C1GALT1: variants seen among roughly 807,000 people sequenced by gnomAD.
C1GALT1 encodes glycoprotein-N-acetylgalactosamine 3-beta-galactosyltransferase 1.
A neutral mutation model predicts 31.0 loss-of-function variants in C1GALT1; 11 were observed. The ratio of observed to expected loss-of-function variants is 0.36; its 90% CI spans 0.22 to 0.59. C1GALT1 has a LOEUF of 0.59. Among genes scored for constraint, C1GALT1 ranks in the 20% least tolerant of loss-of-function variants. C1GALT1 has a pLI of 0.79. For missense variants in C1GALT1, 424 were observed against 425.2 expected (o/e 1.00, Z 0.03); for synonymous variants, 175 against 143.6 (o/e 1.22, Z -1.56).
chr7:7,164,292 C>T (rs1320141789), intron 2 of C1GALT1, among the ~76,000 whole-genome samples: 1 of 152,180 alleles, frequency 6.6e-6, no homozygotes, highest in East Asian at 1.9e-4. Context: ...GGATCCCTTC[C>T]TTACACCTTT....
chr7:7,248,327 T>C lies in C1GALT1; in HGVS notation c.*4600T>C, dbSNP rs1296231796. On this transcript the variant is annotated 3_prime_UTR_variant, in exon 4 of 4. Transcript: ENST00000436587. ...AGTTTATATTAAGTTTTAATAACTT[T>C]GCGGGGCCCTGCAAATTAATAATCT... 1 of 151,986 alleles carries C rather than the reference T, an allele frequency of 6.6e-6. No homozygotes were observed. Among genetic ancestry groups the C allele is most frequent in the Non-Finnish European group, 1.5e-5 (1 of 67,864 alleles). The allele number at this position is 151,986 out of a possible 1,614,324, so 9.4% of individuals were successfully genotyped here.
At position 7,182,786 on chromosome 7, in the gene C1GALT1, CAGGAGGGGCGAGA is replaced by C; in HGVS notation, c.-51_-39del. On this transcript the variant is annotated 5_prime_UTR_variant, in exon 1 of 4. Coordinates refer to ENST00000436587, the MANE Select transcript of C1GALT1 (RefSeq NM_020156.5). ...CCAAGTCGTCCCCCTCTCCGCCCCC[CAGGAGGGGCGAGA>C]GGGAGCCGCAGCTGATGTCAGGTAT... 1 of 985,542 alleles carries C rather than the reference CAGGAGGGGCGAGA, an allele frequency of 1.0e-6. No individual in the cohort carries two copies. Among genetic ancestry groups the C allele is most frequent in the Non-Finnish European group, 1.2e-6 (1 of 830,038 alleles). 61.0% of individuals were successfully genotyped at this position (985,542 alleles called of 1,614,324 possible).
intron 1 of C1GALT1, among the ~76,000 whole-genome samples, chr7:7,216,600 A>G (rs1782256112): frequency 6.8e-6 from 1 of 146,852 alleles, no homozygotes. Flanking sequence ...CCCATGCTAT[A>G]AAGCACTTAC....
chr7:7,180,011 T>C (rs1780552692), upstream of C1GALT1, among the ~76,000 whole-genome samples: 1 of 152,200 alleles, frequency 6.6e-6, no homozygotes, highest in Non-Finnish European at 1.5e-5. Context: ...TCTAGGGGCA[T>C]GAATATTTTT....
In C1GALT1 at chr7:7,238,788, G is replaced by A. The variant is rs779205058; in HGVS notation, c.754G>A (p.Val252Ile). Residue 252 changes from valine to isoleucine, a missense_variant, in exon 3 of 4, where the codon GTA (valine) becomes ATA (isoleucine). Val to Ile is a conservative substitution (Grantham distance 29, BLOSUM62 3). This residue lies in a region of C1GALT1 where 191 missense variants were observed against 188.8 expected (regional missense o/e 1.01). Transcript: ENST00000436587. The surrounding 1 kb of genome is among the most constrained non-coding windows in gnomAD (Gnocchi z 5.2). ...GGGGAGATGCATGGAAATTATGAAT[G>A]TAGAAGCAGGAGATTCCAGAGATAC... ...ALGRCMEIMN[V>I]EAGDSRDTIG... 2 of 1,613,766 alleles carry A rather than the reference G, an allele frequency of 1.2e-6. No homozygotes were observed. The highest frequency in any genetic ancestry group is 2.2e-5 in the South Asian group (2 of 91,052).
chr7:7,216,544 G>T (rs554479893), intron 1 of C1GALT1, among the ~76,000 whole-genome samples: 4 of 152,146 alleles, frequency 2.6e-5, no homozygotes, highest in Admixed American at 2.6e-4. Flanking sequence ...TTCGGGCAAG[G>T]CTCCTTTAAC....
intron 2 of C1GALT1, among the ~76,000 whole-genome samples, chr7:7,160,413 C>G (rs1184153593): frequency 6.6e-6 from 1 of 152,050 alleles, no homozygotes; most frequent in African/African-American, 2.4e-5. Flanking sequence ...GATAATGTTA[C>G]CTTGATTGAC....
chr7:7,234,895 C>T (rs1783263506), intron 2 of C1GALT1: 1 of 160,206 alleles, frequency 6.2e-6, no homozygotes, highest in African/African-American at 2.4e-5. Context: ...GTCTTGTTTT[C>T]CTAGAGAAAC....
At chr7:7,163,559 A>G (rs1780361069) in intron 2 of C1GALT1, among the ~76,000 whole-genome samples, 1 of 152,186 alleles carries the variant, frequency 6.6e-6, no homozygotes, top group Non-Finnish European at 1.5e-5. Context: ...TTGTATATCT[A>G]GAAAACCCCA....
At position 7,182,655 on chromosome 7, in the gene C1GALT1, C is replaced by A. The variant is rs927852490; in HGVS notation, c.-183C>A. 3.0e-6 allele frequency: 1 copy of A among 331,944 alleles called. No homozygotes were observed. The highest frequency in any genetic ancestry group is 4.3e-6 in the Non-Finnish European group (1 of 232,474). The allele number at this position is 331,944 out of a possible 1,614,324, so 20.6% of individuals were successfully genotyped here. ...GCGCTGGGCCCGCCTTGGCCGCCGC[C>A]GCTGTGCTGCCGCTGCCGGGGAATA... On this transcript the variant is annotated 5_prime_UTR_variant, in exon 1 of 4. Coordinates refer to ENST00000436587, the MANE Select transcript of C1GALT1 (RefSeq NM_020156.5).
intron 1 of C1GALT1, among the ~76,000 whole-genome samples, chr7:7,227,487 G>A (rs371917104): frequency 2.6e-5 from 4 of 152,096 alleles, no homozygotes; most frequent in African/African-American, 7.2e-5. Flanking sequence ...TTGGGAGGCC[G>A]AGGCGGGCGG....
chr7:7,220,023 G>T (rs1372650347), intron 1 of C1GALT1, among the ~76,000 whole-genome samples: 1 of 151,988 alleles, frequency 6.6e-6, no homozygotes, highest in African/African-American at 2.4e-5. Flanking sequence ...GCACATCCTT[G>T]GAAGCTTATT....
At chr7:7,230,784 A>T (rs1201784115) in intron 1 of C1GALT1, among the ~76,000 whole-genome samples, 1 of 149,406 alleles carries the variant, frequency 6.7e-6, no homozygotes. Context: ...TTTTTTTTTT[A>T]AACAACTCCT....
chr7:7,200,194 A>G (rs540231135), intron 1 of C1GALT1, among the ~76,000 whole-genome samples: 1 of 152,142 alleles, frequency 6.6e-6, no homozygotes, highest in South Asian at 2.1e-4. Flanking sequence ...GTTCCTTTCC[A>G]TGTTTAGTGC....
intron 1 of C1GALT1, among the ~76,000 whole-genome samples, chr7:7,212,942 G>C (rs1782072739): frequency 6.6e-6 from 1 of 152,104 alleles, no homozygotes; most frequent in Admixed American, 6.6e-5. Flanking sequence ...TCCAAATTTT[G>C]TTTACAGTAG....
At chr7:7,227,856 G>C (rs998472132) in intron 1 of C1GALT1, among the ~76,000 whole-genome samples, 3 of 152,186 alleles carry the variant, frequency 2.0e-5, no homozygotes, top group East Asian at 1.9e-4. Flanking sequence ...GCTCTTACCA[G>C]ATGTGCCCCC....
chr7:7,172,175 C>G (rs980667387), intron 2 of C1GALT1, among the ~76,000 whole-genome samples: 3 of 152,092 alleles, frequency 2.0e-5, no homozygotes, highest in Non-Finnish European at 4.4e-5. Context: ...CTGAATATAT[C>G]CTAACTTTTC....
chr7:7,209,152 T>C (rs181308322), intron 1 of C1GALT1, among the ~76,000 whole-genome samples: 104 of 152,360 alleles, frequency 6.8e-4, no homozygotes, highest in African/African-American at 2.4e-3. Flanking sequence ...TAGTTTTCTT[T>C]ATGTAGAGCC....
chr7:7,168,223 C>T (rs527238827), intron 2 of C1GALT1, among the ~76,000 whole-genome samples: 2 of 152,292 alleles, frequency 1.3e-5, no homozygotes, highest in South Asian at 4.1e-4. Flanking sequence ...AGGTTAGTTG[C>T]TGAGGCAAGT....
Sources: allele counts gnomAD v4.1 joint callset (sites outside exome capture counted in the v4.1 genomes callset), GRCh38; gene constraint gnomAD v4.1.1; regional missense constraint gnomAD v4.1.1; non-coding constraint Gnocchi (gnomAD v3.1); transcripts MANE v1.5; gene names NCBI Gene and HGNC (gene_info 2026-07-23, HGNC 2026-07-21).